PBX1: variants seen among roughly 807,000 people sequenced by gnomAD.
PBX1 encodes the protein pre-B-cell leukemia transcription factor 1.
Under a neutral mutation model 53.4 loss-of-function variants are expected in PBX1, and 6 were observed. The ratio of observed to expected loss-of-function variants is 0.11; its 90% CI spans 0.06 to 0.22. The LOEUF is 0.22. Ranked by LOEUF, PBX1 falls within the 10% of genes least tolerant of loss-of-function variation. PBX1 has a pLI of 1.00. For missense variants in PBX1, 251 were observed against 551.4 expected (o/e 0.46, Z 5.46); for synonymous variants, 204 against 212.3 (o/e 0.96, Z 0.34).
At chr1:164,610,428 G>T (rs1656833296) in intron 2 of PBX1, among the ~76,000 whole-genome samples, 1 of 152,074 alleles carries the variant, frequency 6.6e-6, no homozygotes, top group Non-Finnish European at 1.5e-5. Context: ...ATGCGGTGGG[G>T]TTAACATAAA....
rs912947858 is a variant in PBX1 at position 164,851,484 on chromosome 1, TTAAAA to T, written c.*4813_*4817del. The T allele has an allele frequency of 1.3e-4, 24 of 191,760 alleles. No individual in the cohort carries two copies. The highest frequency in any genetic ancestry group is 7.6e-5 in the Non-Finnish European group (7 of 91,588). The allele number at this position is 191,760 out of a possible 1,614,324, so 11.9% of individuals were successfully genotyped here. A position where few individuals can be genotyped will look rare whatever the true frequency, so the allele number is the denominator to read the frequency against. On this transcript the variant is annotated 3_prime_UTR_variant, in exon 9 of 9. Coordinates refer to ENST00000420696, the MANE Select transcript of PBX1 (RefSeq NM_002585.4). ...TTTTTGTAAACTTTTTTTTCTTTTG[TTAAAA>T]TAAATAAAACATTCAATGTTTTTCT...
At chr1:164,864,221 T>C (rs1337213185) in intron 2 of PBX1, among the ~76,000 whole-genome samples, 1 of 152,088 alleles carries the variant, frequency 6.6e-6, no homozygotes. Flanking sequence ...ACTTTCTCCA[T>C]TATTAACCCC....
intron 5 of PBX1, 140 bp downstream of exon 5, chr1:164,807,817 A>C (rs1405584697): frequency 3.1e-6 from 3 of 957,426 alleles, no homozygotes; most frequent in African/African-American, 3.3e-5. Context: ...CAAGGTAAGC[A>C]CTTGATGTGT....
chr1:164,584,825 C>T (rs942351955), intron 2 of PBX1, among the ~76,000 whole-genome samples: 1 of 152,062 alleles, frequency 6.6e-6, no homozygotes, highest in Non-Finnish European at 1.5e-5. Flanking sequence ...GTTCCAGTAC[C>T]TTCCTTTTAT....
intron 2 of PBX1, among the ~76,000 whole-genome samples, chr1:164,774,908 A>G (rs1667568087): frequency 6.6e-6 from 1 of 152,192 alleles, no homozygotes; most frequent in Admixed American, 6.5e-5. Context: ...ATTACACTTC[A>G]CGGCTGTAAT....
intron 2 of PBX1, among the ~76,000 whole-genome samples, chr1:164,865,761 C>T (rs552444978): frequency 5.3e-5 from 8 of 152,302 alleles, no homozygotes; most frequent in Admixed American, 3.9e-4. Flanking sequence ...ATGCACATTC[C>T]TGCTCTACAT....
chr1:164,687,496 C>T (rs1662177478), intron 2 of PBX1, among the ~76,000 whole-genome samples: 1 of 136,626 alleles, frequency 7.3e-6, no homozygotes, highest in Non-Finnish European at 1.5e-5. Flanking sequence ...CCTTGGGGGT[C>T]GAGGCTGTAG....
intron 8 of PBX1, among the ~76,000 whole-genome samples, chr1:164,845,133 G>A (rs1453652945): frequency 1.3e-5 from 2 of 152,172 alleles, no homozygotes; most frequent in African/African-American, 4.8e-5. Flanking sequence ...GAGCTGCTTT[G>A]AATTAAAAGC....
chr1:164,590,106 G>A (rs529495720), intron 2 of PBX1, among the ~76,000 whole-genome samples: 5 of 152,062 alleles, frequency 3.3e-5, no homozygotes, highest in East Asian at 3.9e-4. Flanking sequence ...CCAGCTACTC[G>A]GGAGGCTGAG....
intron 2 of PBX1, among the ~76,000 whole-genome samples, chr1:164,664,010 A>G (rs1402590519): frequency 6.6e-6 from 1 of 152,242 alleles, no homozygotes; most frequent in East Asian, 1.9e-4. Context: ...CTGAAAGAGC[A>G]AAAAGGCTGG....
At chr1:164,673,465 CTTTTTTTTTTT>C (rs1171916726) in intron 2 of PBX1, among the ~76,000 whole-genome samples, 49 of 109,406 alleles carry the variant, frequency 4.5e-4, no homozygotes, top group Non-Finnish European at 3.5e-5. Context: ...AAATTACTAA[CTTTTTTTTTTT>C]TTTTTTTTTT....
chr1:164,600,246 C>CCTTTT (rs1656065032), intron 2 of PBX1, among the ~76,000 whole-genome samples: 1 of 121,818 alleles, frequency 8.2e-6, no homozygotes, highest in African/African-American at 2.9e-5. Context: ...TATGCTGCTG[C>CCTTTT]TTTTTTTTTT....
rs960533662 is a variant in PBX1, at chr1:164,847,200, A to G, written c.*524A>G. The stretch of plus-strand genomic sequence containing the variant: ...TAGCAGGAATACTCCACATTGCCCT[A>G]TTCATTCCAGGCCTCCCTGCTTCCT... On this transcript the variant is annotated 3_prime_UTR_variant, in exon 9 of 9. Coordinates refer to ENST00000420696, the MANE Select transcript of PBX1 (RefSeq NM_002585.4). 7.4e-6 allele frequency: 8 copies of G among 1,076,804 alleles called. No homozygotes were observed. The highest frequency in any genetic ancestry group is 6.5e-5 in the African/African-American group (4 of 61,388). The allele number at this position is 1,076,804 out of a possible 1,614,324, so 66.7% of individuals were successfully genotyped here.
chr1:164,587,115 C>T (rs975878988), intron 2 of PBX1, among the ~76,000 whole-genome samples: 3 of 152,118 alleles, frequency 2.0e-5, no homozygotes, highest in African/African-American at 4.8e-5. Flanking sequence ...TTCTCATTCC[C>T]GGTTTTACAT....
chr1:164,730,576 C>G (rs1026575157), intron 2 of PBX1, among the ~76,000 whole-genome samples: 2 of 152,176 alleles, frequency 1.3e-5, no homozygotes, highest in Non-Finnish European at 2.9e-5. Context: ...CCAGTCCCTA[C>G]CCTCAAAGAA....
At chr1:164,665,886 C>A (rs1280831671) in intron 2 of PBX1, among the ~76,000 whole-genome samples, 1 of 152,168 alleles carries the variant, frequency 6.6e-6, no homozygotes, top group Non-Finnish European at 1.5e-5. Context: ...TCATGGGACC[C>A]ATTTTATCTG....
chr1:164,582,537 C>T (rs1454943451), intron 2 of PBX1, among the ~76,000 whole-genome samples: 1 of 151,968 alleles, frequency 6.6e-6, no homozygotes, highest in Non-Finnish European at 1.5e-5. Flanking sequence ...ATTCTCCTGC[C>T]TCAGCCTCCC....
At chr1:164,870,270 T>TTTCC (rs1672331783) in intron 2 of PBX1, among the ~76,000 whole-genome samples, 1 of 21,450 alleles carries the variant, frequency 4.7e-5, no homozygotes, top group Non-Finnish European at 1.1e-4. Context: ...TCCTTCCTTC[T>TTTCC]TTCTTTCTTT....
intron 2 of PBX1, among the ~76,000 whole-genome samples, chr1:164,569,973 A>C (rs1400360799): frequency 1.3e-5 from 2 of 152,214 alleles, no homozygotes; most frequent in Non-Finnish European, 2.9e-5. Context: ...AAAAGTTTTT[A>C]AGCTACTTTA....
Sources: gnomAD v4.1 joint callset for allele counts (sites outside exome capture counted in the v4.1 genomes callset) on GRCh38, gnomAD v4.1.1 for gene constraint, MANE v1.5 for transcripts, NCBI Gene and HGNC (gene_info 2026-07-23, HGNC 2026-07-21) for gene names.